MFNG: variants seen among roughly 807,000 people sequenced by gnomAD.
MFNG encodes beta-1,3-N-acetylglucosaminyltransferase manic fringe.
A neutral mutation model predicts 34.2 loss-of-function variants in MFNG; 24 were observed. The ratio of observed to expected loss-of-function variants is 0.70; its 90% confidence interval spans 0.51 to 0.99. The LOEUF (loss-of-function observed/expected upper bound fraction) is 0.99. Among genes scored for constraint, MFNG ranks in the 50% least tolerant of loss-of-function variants. The pLI is 0.00. For synonymous variants in MFNG, 158 were observed against 179.2 expected (o/e 0.88, Z 0.94); for missense variants, 383 against 424.0 (o/e 0.90, Z 0.85).
chr22:37,474,482 A>G (rs1181394115), intron 6 of MFNG, 30 bp downstream of exon 6: 3 of 1,611,374 alleles, frequency 1.9e-6, no homozygotes, highest in Non-Finnish European at 2.5e-6. Context: ...TCCCCTTCCC[A>G]TTTGCCACCT....
rs781222871 is a variant in MFNG at position 37,486,112 on chromosome 22, CAG to C, written c.64_65del (p.Leu22ValfsTer28). 8 of 1,611,780 alleles carry C rather than the reference CAG, an allele frequency of 5.0e-6. No individual in the cohort carries two copies. The highest frequency in any genetic ancestry group is 5.9e-6 in the Non-Finnish European group (7 of 1,178,494). On this transcript the variant is annotated frameshift_variant, in exon 1 of 8. Coordinates refer to ENST00000356998, the MANE Select transcript of MFNG (RefSeq NM_002405.4). LOFTEE classifies it high-confidence loss of function. ...ACAGGTTCAAGTGGTACCGCAGACACAGGAGCCCCATGCACAGGAGGGTGAGG... is the reference window on the plus strand; with the variant it reads ...ACAGGTTCAAGTGGTACCGCAGACACGAGCCCCATGCACAGGAGGGTGAGG... ...ALLTLLCMGL[L>X]CLRYHLNLSP...
chr22:37,473,908 A>G (rs1921920766), intron 6 of MFNG, among the ~76,000 whole-genome samples: 1 of 152,214 alleles, frequency 6.6e-6, no homozygotes, highest in Non-Finnish European at 1.5e-5. Flanking sequence ...AGGACCATCT[A>G]CAGTGTCAGA....
In MFNG at chr22:37,482,944, T is replaced by C. The variant is rs751683511; in HGVS notation, c.256-2175A>G. On this transcript the variant is annotated intron_variant, in intron 1 of 7. Coordinates refer to ENST00000356998, the MANE Select transcript of MFNG (RefSeq NM_002405.4). This position sits in a 1 kb window ranked among gnomAD's most constrained non-coding sequence, Gnocchi z 4.1. ...GAAGCCCACTCCGTCAGTGACGCCATGCAGCCTCTCAGCTTTAAACACCAT... is the reference window on the plus strand; with the variant it reads ...GAAGCCCACTCCGTCAGTGACGCCACGCAGCCTCTCAGCTTTAAACACCAT... 1.3e-5 allele frequency among the ~76,000 whole-genome samples: 2 copies of C among 152,174 alleles called. No individual in the cohort carries two copies. Among genetic ancestry groups the C allele is most frequent in the African/African-American group, 4.8e-5 (2 of 41,446 alleles).
intron 4 of MFNG, among the ~76,000 whole-genome samples, chr22:37,477,972 G>A (rs1312747566): frequency 6.6e-6 from 1 of 152,178 alleles, no homozygotes; most frequent in Non-Finnish European, 1.5e-5. Flanking sequence ...TGTAAACCCA[G>A]GGAGTCAGGC....
chr22:37,472,930 C>T (rs1225867098), intron 6 of MFNG, among the ~76,000 whole-genome samples: 7 of 152,118 alleles, frequency 4.6e-5, no homozygotes, highest in South Asian at 2.1e-4. Context: ...CAGGCAGTGA[C>T]GACATGGATC....
In MFNG at chr22:37,483,849, G is replaced by C. The variant is rs373513854; in HGVS notation, c.255+2074C>G. ...CCGGGAAGGGGAGTCCAGGTCCAGA[G>C]GGGGCGGGGGCACAGGAGAGGGCAG... On this transcript the variant is annotated intron_variant, in intron 1 of 7. Coordinates refer to ENST00000356998, the MANE Select transcript of MFNG (RefSeq NM_002405.4). The surrounding 1 kb of genome is among the most constrained non-coding windows in gnomAD (Gnocchi z 4.5). Among the ~76,000 whole-genome samples the C allele has an allele frequency of 4.4e-4, 67 of 152,218 alleles. 1 individual carries two copies. The East Asian group carries it at 0.011, about 25-fold the overall frequency.
rs964521606 is a variant in MFNG at position 37,469,065 on chromosome 22, G to A, written c.*898C>T. ...TGTAACAGAAAACTGGACCAAGAGA[G>A]ACTTAAACAAATAAGCATTTAATTT... On this transcript the variant is annotated 3_prime_UTR_variant, in exon 8 of 8. Transcript: ENST00000356998. The A allele has an allele frequency of 6.5e-6, 1 of 152,824 alleles. No homozygotes were observed. The highest frequency in any genetic ancestry group is 2.4e-5 in the African/African-American group (1 of 41,454). 9.5% of individuals were successfully genotyped at this position (152,824 alleles called of 1,614,324 possible).
intron 4 of MFNG, among the ~76,000 whole-genome samples, chr22:37,478,167 C>T (rs931456983): frequency 1.3e-5 from 2 of 152,138 alleles, no homozygotes; most frequent in Non-Finnish European, 2.9e-5. Context: ...AATTAAGGCT[C>T]TGTGTTTTCT....
At chr22:37,470,105 T>G in intron 7 of MFNG, 76 bp from the exon 8 acceptor site, 1 of 1,155,946 alleles carries the variant, frequency 8.7e-7, no homozygotes, top group Non-Finnish European at 1.3e-6. Context: ...GGTGCACACA[T>G]GCCACAGAGG....
rs1555931618 is a variant in MFNG, at chr22:37,483,983, ACAATGGTGAAAACTTCACAGG to A, written c.255+1919_255+1939del. Among the ~76,000 whole-genome samples the A allele has an allele frequency of 6.6e-6, 1 of 152,206 alleles. No individual in the cohort carries two copies. The highest frequency in any genetic ancestry group is 1.5e-5 in the Non-Finnish European group (1 of 68,036). ...TTGACTTGTTTAAGGAGGGGACCTG[ACAATGGTGAAAACTTCACAGG>A]CAGCCGCGGGAAACAAAGGGACACG... is the stretch of plus-strand genomic sequence containing the variant. On this transcript the variant is annotated intron_variant, in intron 1 of 7. Coordinates refer to ENST00000356998, the MANE Select transcript of MFNG (RefSeq NM_002405.4). The surrounding 1 kb of genome is among the most constrained non-coding windows in gnomAD (Gnocchi z 4.5).
Position 37,485,650 on chromosome 22 carries a change from G to C in MFNG, c.255+273C>G, listed in dbSNP as rs552427262. 1.1e-4 allele frequency among the ~76,000 whole-genome samples: 17 copies of C among 152,310 alleles called. No individual in the cohort carries two copies. Among genetic ancestry groups the C allele is most frequent in the African/African-American group, 4.1e-4 (17 of 41,564 alleles). On this transcript the variant is annotated intron_variant, in intron 1 of 7. Coordinates refer to ENST00000356998, the MANE Select transcript of MFNG (RefSeq NM_002405.4). The surrounding 1 kb of genome is among the most constrained non-coding windows in gnomAD (Gnocchi z 5.3). ...ATAGAAGAACCCCCAGGAGGGACCC[G>C]GGAGCCTGGAGCAGGGGCCCAGCCT...
chr22:37,474,486 G>T, intron 6 of MFNG, 26 bp downstream of exon 6: 2 of 1,611,702 alleles, frequency 1.2e-6, no homozygotes, highest in South Asian at 1.1e-5. Flanking sequence ...CTTCCCATTT[G>T]CCACCTGCCC....
intron 6 of MFNG, among the ~76,000 whole-genome samples, chr22:37,474,178 G>T (rs1321577366): frequency 6.6e-6 from 1 of 152,248 alleles, no homozygotes; most frequent in Non-Finnish European, 1.5e-5. Flanking sequence ...GGAAGACTGA[G>T]TAGAGGTATG....
At position 37,482,131 on chromosome 22, in the gene MFNG, C is replaced by T. The variant is rs994587568; in HGVS notation, c.256-1362G>A. ...CAGGAAGGGGCAGGAGGGAGCCAGG[C>T]TATCTCCTAAGGCCCATGGCCACAG... On this transcript the variant is annotated intron_variant, in intron 1 of 7. Transcript: ENST00000356998. The surrounding 1 kb of genome is among the most constrained non-coding windows in gnomAD (Gnocchi z 4.1). Among the ~76,000 whole-genome samples, 4 of 152,178 alleles carry T rather than the reference C, an allele frequency of 2.6e-5. No homozygotes were observed. Among genetic ancestry groups the T allele is most frequent in the African/African-American group, 9.7e-5 (4 of 41,428 alleles).
chr22:37,475,387 C>T, intron 5 of MFNG, among the ~76,000 whole-genome samples: 1 of 152,074 alleles, frequency 6.6e-6, no homozygotes, highest in East Asian at 1.9e-4. Flanking sequence ...CCATGCCCGG[C>T]TAATCTTTGT....
chr22:37,479,385 C>T lies in MFNG; in HGVS notation c.521G>A (p.Arg174Gln), dbSNP rs1165562615. 4.4e-6 allele frequency: 7 copies of T among 1,605,044 alleles called. No individual in the cohort carries two copies. The highest frequency in any genetic ancestry group is 1.3e-5 in the African/African-American group (1 of 74,462). Residue 174 changes from arginine (R) to glutamine (Q), a missense_variant, in exon 4 of 8, where the codon CGG becomes CAG. Arg to Gln is a conservative substitution (Grantham distance 43). Coordinates refer to ENST00000356998, the MANE Select transcript of MFNG (RefSeq NM_002405.4). ...DVYVGRPSLN[R>Q]PIHASEPQPH... ...CTGTGGCTCTGAGGCATGGATGGGC[C>T]GGTTCAGGCTGGGCCTTCCCACATA...
Position 37,469,990 on chromosome 22 carries a change from G to C in MFNG, c.939C>G (p.Pro313=). 4 of 1,609,292 alleles carry C rather than the reference G, an allele frequency of 2.5e-6. No individual in the cohort carries two copies. Among genetic ancestry groups the C allele is most frequent in the Non-Finnish European group, 3.4e-6 (4 of 1,177,590 alleles). ...ATCGGGCACCCAGCTGGGGACACCAGGGTGTATCTGGATAGAGCAGACAAT... is the reference window on the plus strand; with the variant it reads ...ATCGGGCACCCAGCTGGGGACACCACGGTGTATCTGGATAGAGCAGACAAT... ...SLHCLLYPDT[P]WCPQLGAR Residue 313 remains proline (P), a synonymous_variant, in exon 8 of 8, where the codon CCC becomes CCG. Transcript: ENST00000356998.
At chr22:37,471,881 T>G (rs1601793066) in intron 7 of MFNG, among the ~76,000 whole-genome samples, 1 of 134,098 alleles carries the variant, frequency 7.5e-6, no homozygotes, top group African/African-American at 2.8e-5. Flanking sequence ...TGCTGGTGTG[T>G]GGAAAGGAAG....
intron 1 of MFNG, chr22:37,480,976 C>A: frequency 1.7e-6 from 1 of 596,878 alleles, no homozygotes; most frequent in South Asian, 2.0e-5. Flanking sequence ...GTGTACACAG[C>A]CCACAGTCTA....
Sources: allele counts gnomAD v4.1 joint callset (sites outside exome capture counted in the v4.1 genomes callset), GRCh38; gene constraint gnomAD v4.1.1; non-coding constraint Gnocchi (gnomAD v3.1); transcripts MANE v1.5; gene names NCBI Gene and HGNC (gene_info 2026-07-23, HGNC 2026-07-21).